PHC3: variants seen among roughly 807,000 people sequenced by gnomAD.
PHC3 encodes polyhomeotic-like protein 3.
In PHC3, 13 loss-of-function variants were observed where a neutral mutation model predicts 107.4. The observed-to-expected ratio is 0.12, with a 90% CI of 0.08 to 0.19. The LOEUF (loss-of-function observed/expected upper bound fraction) is 0.19. Among genes scored for constraint, PHC3 ranks in the 10% least tolerant of loss-of-function variants. The pLI, the probability that PHC3 is intolerant of heterozygous loss-of-function variation, is 1.00. For synonymous variants in PHC3, 456 were observed against 427.4 expected, an observed-to-expected ratio of 1.07 and a Z score of -0.83; for missense variants, 992 against 1,210.9, an observed-to-expected ratio of 0.82 and a Z score of 2.68.
intron 10 of PHC3, among the ~76,000 whole-genome samples, chr3:170,113,808 A>T (rs1478570748): frequency 1.3e-5 from 2 of 152,204 alleles, no homozygotes; most frequent in Non-Finnish European, 2.9e-5. Flanking sequence ...AATATTCAGC[A>T]ATTCTTTATC....
At chr3:170,120,069 T>A (rs1719923237) in intron 9 of PHC3, among the ~76,000 whole-genome samples, 1 of 152,216 alleles carries the variant, frequency 6.6e-6, no homozygotes, top group Non-Finnish European at 1.5e-5. Context: ...TAATGCTTAT[T>A]TTGTAATTAA....
At chr3:170,137,236 C>T (rs1397516936) in intron 6 of PHC3, among the ~76,000 whole-genome samples, 1 of 152,138 alleles carries the variant, frequency 6.6e-6, no homozygotes, top group African/African-American at 2.4e-5. Context: ...TGTTATTGAA[C>T]ATTCACTGCC....
At chr3:170,138,708 AAAGAT>A (rs1171010006) in intron 6 of PHC3, among the ~76,000 whole-genome samples, 4 of 151,508 alleles carry the variant, frequency 2.6e-5, no homozygotes. Context: ...AAAAAAAAAA[AAAGAT>A]AAGAAAAAGA....
chr3:170,128,571 T>C (rs886962765), intron 8 of PHC3, 113 bp downstream of exon 8: 30 of 1,348,372 alleles, frequency 2.2e-5, no homozygotes, highest in Non-Finnish European at 2.7e-5. Flanking sequence ...ACATGGAAAT[T>C]TCAAGCTTTT....
intron 11 of PHC3, among the ~76,000 whole-genome samples, chr3:170,112,767 G>A (rs949490203): frequency 1.3e-5 from 2 of 152,016 alleles, no homozygotes; most frequent in Non-Finnish European, 2.9e-5. Context: ...CAAGTGATCT[G>A]CCTGCCTCGG....
intron 10 of PHC3, among the ~76,000 whole-genome samples, chr3:170,116,773 C>T (rs1481605733): frequency 1.3e-5 from 2 of 151,514 alleles, no homozygotes; most frequent in African/African-American, 2.4e-5. Flanking sequence ...TAGTGGGGCA[C>T]GGTGGCGCAC....
At chr3:170,144,189 A>T (rs1724584193) in intron 6 of PHC3, among the ~76,000 whole-genome samples, 1 of 151,614 alleles carries the variant, frequency 6.6e-6, no homozygotes, top group South Asian at 2.1e-4. Flanking sequence ...AAAAGAAAAA[A>T]AATTAGCCAG....
intron 9 of PHC3, among the ~76,000 whole-genome samples, chr3:170,121,199 A>C (rs1720216323): frequency 6.6e-6 from 1 of 152,146 alleles, no homozygotes; most frequent in Non-Finnish European, 1.5e-5. Flanking sequence ...GCAGCAAGCC[A>C]TGCATGGTGG....
At position 170,102,545 on chromosome 3, in the gene PHC3, C is replaced by T; in HGVS notation, c.2767G>A (p.Val923Ile). The change falls in exon 14 of 15, where the codon GTT becomes ATT. Residue 923 changes from valine (V) to isoleucine (I), a missense_variant. By Grantham distance (29) the Val-to-Ile change is conservative (BLOSUM62 3). This residue lies in a region of PHC3 where 228 missense variants were observed against 288.8 expected (regional missense o/e 0.79). Coordinates refer to ENST00000495893, the MANE Select transcript of PHC3 (RefSeq NM_024947.4). ...CATATAGATGGCTCTGTTTGTGCAA[C>T]TGGTAGCAAGTCACTGTTCTCAGGC... ...KMPENSDLLP[V>I]AQTEPSIWTV... The T allele has an allele frequency of 6.2e-7, 1 of 1,613,872 alleles. No individual in the cohort carries two copies. The highest frequency in any genetic ancestry group is 1.1e-5 in the South Asian group (1 of 91,084).
At chr3:170,168,219 CCT>C (rs200936231) in intron 4 of PHC3, among the ~76,000 whole-genome samples, 2,386 of 151,846 alleles carry the variant, frequency 0.016, 51 homozygotes, top group African/African-American at 0.054. Context: ...TAAAATTCTC[CCT>C]GTCTTCCCTT....
intron 11 of PHC3, among the ~76,000 whole-genome samples, chr3:170,112,406 G>C (rs1421018065): frequency 6.7e-6 from 1 of 149,252 alleles, no homozygotes; most frequent in East Asian, 2.0e-4. Context: ...TTTTTTTTTA[G>C]TAGAGATGGG....
Position 170,095,425 on chromosome 3 carries a change from A to C in PHC3, c.*1805T>G, listed in dbSNP as rs2108238474. 6.6e-6 allele frequency: 1 copy of C among 152,298 alleles called. No homozygotes were observed. The highest frequency in any genetic ancestry group is 1.9e-4 in the East Asian group (1 of 5,192). The allele number at this position is 152,298 out of a possible 1,614,324, so 9.4% of individuals were successfully genotyped here. A position where few individuals can be genotyped will look rare whatever the true frequency, so the allele number is the denominator to read the frequency against. On this transcript the variant is annotated 3_prime_UTR_variant, in exon 15 of 15. Coordinates refer to ENST00000495893, the MANE Select transcript of PHC3 (RefSeq NM_024947.4). The stretch of plus-strand genomic sequence containing the variant: ...CAAAGCATACATTCAAACAAGAGGC[A>C]TCTAAAGATTAAAAAAATTACCCGC...
intron 1 of PHC3, among the ~76,000 whole-genome samples, chr3:170,179,487 C>T (rs1560145349): frequency 6.6e-6 from 1 of 152,150 alleles, no homozygotes; most frequent in East Asian, 1.9e-4. Flanking sequence ...CTCACACTGG[C>T]TTTTCCCCTA....
chr3:170,159,204 A>C (rs1727429581), intron 4 of PHC3, among the ~76,000 whole-genome samples: 1 of 147,948 alleles, frequency 6.8e-6, no homozygotes, highest in African/African-American at 2.5e-5. Flanking sequence ...GTGAGCCGAG[A>C]TCACGCCACT....
intron 11 of PHC3, among the ~76,000 whole-genome samples, chr3:170,110,327 G>A (rs116634489): frequency 0.012 from 1,753 of 152,152 alleles, 29 homozygotes; most frequent in African/African-American, 0.039. Flanking sequence ...AACTCACTCT[G>A]CCAGTCATAC....
intron 9 of PHC3, among the ~76,000 whole-genome samples, chr3:170,118,474 C>T (rs1425996343): frequency 3.9e-5 from 6 of 152,112 alleles, no homozygotes; most frequent in South Asian, 2.1e-4. Context: ...TGCAGTGGCA[C>T]GATCTCGGCT....
At chr3:170,101,574 A>T (rs1281737550) in intron 14 of PHC3, among the ~76,000 whole-genome samples, 3 of 152,186 alleles carry the variant, frequency 2.0e-5, no homozygotes, top group Non-Finnish European at 4.4e-5. Flanking sequence ...AACCAAAAGG[A>T]AATAAATTTT....
intron 3 of PHC3, 105 bp from the exon 4 acceptor site, chr3:170,171,555 T>A: frequency 1.4e-6 from 1 of 735,510 alleles, no homozygotes; most frequent in South Asian, 1.9e-5. Flanking sequence ...AAAAGGCCTA[T>A]GTATGAAACA....
At chr3:170,138,643 T>C (rs1476798961) in intron 6 of PHC3, among the ~76,000 whole-genome samples, 1 of 129,916 alleles carries the variant, frequency 7.7e-6, no homozygotes, top group Non-Finnish European at 1.5e-5. Flanking sequence ...TGAGCTGAGA[T>C]CACACCACTG....
Sources: allele counts gnomAD v4.1 joint callset (sites outside exome capture counted in the v4.1 genomes callset), GRCh38; gene constraint gnomAD v4.1.1; regional missense constraint gnomAD v4.1.1; transcripts MANE v1.5; gene names NCBI Gene and HGNC (gene_info 2026-07-23, HGNC 2026-07-21).